Variants in PDLIM3 observed in about 807,000 individuals in gnomAD.
The protein encoded by PDLIM3 is PDZ and LIM domain protein 3.
A neutral mutation model predicts 37.3 loss-of-function variants in PDLIM3; 36 were observed. That is an observed-to-expected ratio of 0.97 (90% CI 0.74 to 1.28). The LOEUF (loss-of-function observed/expected upper bound fraction) is 1.28, where lower values mean the gene tolerates loss of function less well. PDLIM3 is among the 50% of genes most tolerant of loss of function. The pLI is 0.00. For missense variants in PDLIM3, 454 were observed against 485.0 expected (o/e 0.94, Z 0.60); for synonymous variants, 174 against 182.4 (o/e 0.95, Z 0.37).
Position 185,514,876 on chromosome 4 carries a change from A to T in PDLIM3, c.331-539T>A. 6.4e-7 allele frequency: 1 copy of T among 1,550,946 alleles called. No individual in the cohort carries two copies. The highest frequency in any genetic ancestry group is 8.7e-7 in the Non-Finnish European group (1 of 1,146,710). On this transcript the variant is annotated intron_variant, in intron 3 of 7. Transcript: ENST00000284767. The surrounding 1 kb of genome is among the most constrained non-coding windows in gnomAD (Gnocchi z 4.0). The stretch of plus-strand genomic sequence containing the variant: ...GGGCCCTTCTGTTGTGCGCGGTACC[A>T]ATGGGTTTGAATTCCTGTACAATGG...
rs1190214935 is a variant in PDLIM3 at position 185,508,333 on chromosome 4, C to A, written c.628G>T (p.Val210Phe). The change falls in exon 5 of 8, where the codon GTT (valine) becomes TTT (phenylalanine). Residue 210 changes from valine (V) to phenylalanine (F), a missense_variant. Physicochemically the swap from Val to Phe is conservative, Grantham distance 50. Transcript: ENST00000284767. ...DNIMETLQGQ[V>F]STALGETPLM... ...GGTGTTTCCCCTAGGGCTGTTGAAACCTGACCCTGGAGTGTTTCCATAATA... is the reference window on the plus strand; with the variant it reads ...GGTGTTTCCCCTAGGGCTGTTGAAAACTGACCCTGGAGTGTTTCCATAATA... 1 of 1,614,016 alleles carries A rather than the reference C, an allele frequency of 6.2e-7. No homozygotes were observed. The highest frequency in any genetic ancestry group is 8.5e-7 in the Non-Finnish European group (1 of 1,180,020).
In PDLIM3 at chr4:185,508,359, T is replaced by C; in HGVS notation, c.602A>G (p.Asn201Ser). The C allele has an allele frequency of 1.9e-6, 3 of 1,614,114 alleles. No individual in the cohort carries two copies. The highest frequency in any genetic ancestry group is 1.6e-4 in the Middle Eastern group (1 of 6,062). ...CTGACCCTGGAGTGTTTCCATAATA[T>C]TGTCATCTGAGTACAACTGCATAGG... is the stretch of plus-strand genomic sequence containing the variant. ...NTPMQLYSDD[N>S]IMETLQGQVS... Residue 201 changes from asparagine (N) to serine (S), a missense_variant, in exon 5 of 8, where the codon AAT becomes AGT. Coordinates refer to ENST00000284767, the MANE Select transcript of PDLIM3 (RefSeq NM_014476.6).
Position 185,514,994 on chromosome 4 carries a change from C to T in PDLIM3, c.331-657G>A. ...CTGTTAATAAAGGCATCTTTACCCA[C>T]GACGAGATTGACGGAAAGATTAGAG... On this transcript the variant is annotated intron_variant, in intron 3 of 7. Transcript: ENST00000284767. The surrounding 1 kb of genome is among the most constrained non-coding windows in gnomAD (Gnocchi z 4.0). The T allele has an allele frequency of 5.7e-6, 5 of 870,604 alleles. No individual in the cohort carries two copies. The highest frequency in any genetic ancestry group is 5.1e-6 in the Non-Finnish European group (3 of 590,336). 53.9% of individuals were successfully genotyped at this position (870,604 alleles called of 1,614,324 possible). A position where few individuals can be genotyped will look rare whatever the true frequency, so the allele number is the denominator to read the frequency against.
intron 1 of PDLIM3, among the ~76,000 whole-genome samples, chr4:185,532,937 CA>C (rs2095747274): frequency 6.6e-6 from 1 of 152,110 alleles, no homozygotes; most frequent in South Asian, 2.1e-4. Flanking sequence ...CAGGATGGCA[CA>C]AAACAACTCT....
chr4:185,508,360 T>G lies in PDLIM3; in HGVS notation c.601A>C (p.Asn201His). Residue 201 changes from asparagine (N) to histidine (H), a missense_variant, in exon 5 of 8, where the codon AAT (asparagine) becomes CAT (histidine). Transcript: ENST00000284767. ...NTPMQLYSDD[N>H]IMETLQGQVS... The stretch of plus-strand genomic sequence containing the variant: ...TGACCCTGGAGTGTTTCCATAATAT[T>G]GTCATCTGAGTACAACTGCATAGGT... The G allele has an allele frequency of 6.2e-7, 1 of 1,614,132 alleles. No homozygotes were observed. The highest frequency in any genetic ancestry group is 2.2e-5 in the East Asian group (1 of 44,882).
intron 6 of PDLIM3, among the ~76,000 whole-genome samples, chr4:185,505,617 C>T (rs2095695451): frequency 1.3e-5 from 1 of 77,652 alleles, no homozygotes. Flanking sequence ...AAGACTCCAT[C>T]TCAAAAAAGA....
chr4:185,503,063 T>TA (rs777624459), intron 7 of PDLIM3, among the ~76,000 whole-genome samples: 64 of 151,750 alleles, frequency 4.2e-4, no homozygotes, highest in Non-Finnish European at 7.8e-4. Flanking sequence ...CCATCTCTAC[T>TA]AAAAAAATAC....
At chr4:185,528,854 C>T (rs1036411215) in intron 1 of PDLIM3, among the ~76,000 whole-genome samples, 2 of 152,232 alleles carry the variant, frequency 1.3e-5, no homozygotes, top group Non-Finnish European at 2.9e-5. Flanking sequence ...CAGAAAATGA[C>T]TGCGAAATTG....
chr4:185,514,706 T>G lies in PDLIM3; in HGVS notation c.331-369A>C, dbSNP rs2095712144. On this transcript the variant is annotated intron_variant, in intron 3 of 7. Transcript: ENST00000284767. The surrounding 1 kb of genome is among the most constrained non-coding windows in gnomAD (Gnocchi z 4.0). ...CAGAACAGAGCCGGATACTTACTTT[T>G]GAGGTGAGCTAGGAATGAGACCCCG... 1.3e-6 allele frequency: 2 copies of G among 1,551,856 alleles called. No homozygotes were observed. Among genetic ancestry groups the G allele is most frequent in the East Asian group, 4.9e-5 (2 of 40,912 alleles).
In PDLIM3 at chr4:185,514,637, G is replaced by C. The variant is rs533088474; in HGVS notation, c.331-300C>G. On this transcript the variant is annotated intron_variant, in intron 3 of 7. Transcript: ENST00000284767. This position sits in a 1 kb window ranked among gnomAD's most constrained non-coding sequence, Gnocchi z 4.0. ...ATAAAACAGCAAGAGCTGGACTTTT[G>C]AAAAGAAAAGAAACCATGCTATCAC... 1.4e-6 allele frequency: 2 copies of C among 1,432,866 alleles called. No homozygotes were observed. Among genetic ancestry groups the C allele is most frequent in the South Asian group, 2.8e-5 (2 of 71,106 alleles). The allele number at this position is 1,432,866 out of a possible 1,614,324, so 88.8% of individuals were successfully genotyped here. A position where few individuals can be genotyped will look rare whatever the true frequency, so the allele number is the denominator to read the frequency against.
At chr4:185,513,986 T>C (rs2095710721) in intron 4 of PDLIM3, 11 of 1,287,486 alleles carry the variant, frequency 8.5e-6, no homozygotes, top group Non-Finnish European at 9.9e-6. Flanking sequence ...AAGGTCACAG[T>C]GTTCTGGATG....
In PDLIM3 at chr4:185,502,221, C is replaced by T. The variant is rs986715552; in HGVS notation, c.*73G>A. 1 of 1,454,824 alleles carries T rather than the reference C, an allele frequency of 6.9e-7. No homozygotes were observed. The highest frequency in any genetic ancestry group is 1.4e-5 in the African/African-American group (1 of 71,516). The allele number at this position is 1,454,824 out of a possible 1,614,324, so 90.1% of individuals were successfully genotyped here. On this transcript the variant is annotated 3_prime_UTR_variant, in exon 8 of 8. Transcript: ENST00000284767. Reference sequence around the variant, plus strand: ...TTGACAATCTGCACAATCCTTCTGCCCAAAGCCATGAATGTCTTCTCGTGT... The same window carrying T: ...TTGACAATCTGCACAATCCTTCTGCTCAAAGCCATGAATGTCTTCTCGTGT...
At chr4:185,511,133 C>T (rs900389587) in intron 4 of PDLIM3, among the ~76,000 whole-genome samples, 6 of 152,180 alleles carry the variant, frequency 3.9e-5, no homozygotes, top group South Asian at 2.1e-4. Context: ...GGCATACTTC[C>T]GGAAGCAACT....
rs1167476323 is a variant in PDLIM3 at position 185,504,542 on chromosome 4, T to C, written c.838A>G (p.Lys280Glu). ...GCCCCGCCTGAACCGCCATGGACTT[T>C]CGTCACCGGAGCTCTCACACTCCGC... ...GTRSVRAPVT[K>E]VHGGSGGAQR... Residue 280 changes from lysine to glutamate, a missense_variant, in exon 7 of 8, where the codon AAA becomes GAA. Coordinates refer to ENST00000284767, the MANE Select transcript of PDLIM3 (RefSeq NM_014476.6). This position sits in a 1 kb window ranked among gnomAD's most constrained non-coding sequence, Gnocchi z 4.7. The C allele has an allele frequency of 6.2e-7, 1 of 1,614,198 alleles. No homozygotes were observed. The highest frequency in any genetic ancestry group is 1.7e-5 in the Admixed American group (1 of 60,022).
chr4:185,505,876 G>A (rs1283940667), intron 6 of PDLIM3, among the ~76,000 whole-genome samples: 2 of 152,116 alleles, frequency 1.3e-5, no homozygotes, highest in East Asian at 1.9e-4. Context: ...GGGACATTTT[G>A]CATTTTTGTG....
chr4:185,512,359 G>A (rs1241702615), intron 4 of PDLIM3: 1 of 152,228 alleles, frequency 6.6e-6, no homozygotes, highest in East Asian at 1.9e-4. Context: ...GGGATTACAG[G>A]TGTGAGCCAT....
At chr4:185,520,431 A>T (rs2095722039) in intron 3 of PDLIM3, among the ~76,000 whole-genome samples, 1 of 65,540 alleles carries the variant, frequency 1.5e-5, no homozygotes, top group African/African-American at 2.9e-5. Flanking sequence ...CCTAATCTCA[A>T]CCTTTAAAAA....
intron 6 of PDLIM3, among the ~76,000 whole-genome samples, chr4:185,506,187 C>A (rs2095696697): frequency 6.6e-6 from 1 of 152,108 alleles, no homozygotes; most frequent in African/African-American, 2.4e-5. Flanking sequence ...TGGTGATACT[C>A]CAGAGTGTGG....
chr4:185,512,040 A>G (rs2095707375), intron 4 of PDLIM3: 1 of 151,908 alleles, frequency 6.6e-6, no homozygotes, highest in South Asian at 2.1e-4. Flanking sequence ...GTTATAGCAA[A>G]TAGTGAGGAG....
Sources: allele counts gnomAD v4.1 joint callset (sites outside exome capture counted in the v4.1 genomes callset), GRCh38; gene constraint gnomAD v4.1.1; non-coding constraint Gnocchi (gnomAD v3.1); transcripts MANE v1.5; gene names NCBI Gene and HGNC (gene_info 2026-07-23, HGNC 2026-07-21).